TENM3: variants seen among roughly 807,000 people sequenced by gnomAD.
TENM3 encodes the protein teneurin transmembrane protein 3.
TENM3 carries 63 observed loss-of-function variants against 255.1 expected under a neutral mutation model. The observed-to-expected ratio is 0.25, with a 90% confidence interval of 0.20 to 0.30. The LOEUF is 0.30. TENM3 is among the 10% of genes least tolerant of loss of function. The probability of loss-of-function intolerance (pLI) is 1.00; values close to 1 mark genes in which losing one functional copy is unlikely to be tolerated. For synonymous variants in TENM3, 1,306 were observed against 1,322.3 expected (o/e 0.99, Z 0.27); for missense variants, 2,929 against 3,461.1 (o/e 0.85, Z 3.86).
the TENM3 span, among the ~76,000 whole-genome samples, chr4:181,493,728 G>C: frequency 6.6e-6 from 1 of 151,962 alleles, no homozygotes; most frequent in Admixed American, 6.6e-5. Context: ...TGGGCAACAG[G>C]AGCAAAACTC....
At chr4:181,872,109 G>A in the TENM3 span, among the ~76,000 whole-genome samples, 26 of 151,690 alleles carry the variant, frequency 1.7e-4, no homozygotes, top group African/African-American at 6.3e-4. Context: ...TCCTCCTTTT[G>A]TGTTTTCTTA....
the TENM3 span, among the ~76,000 whole-genome samples, chr4:181,951,571 G>C: frequency 1.3e-5 from 2 of 152,192 alleles, no homozygotes; most frequent in Non-Finnish European, 2.9e-5. Flanking sequence ...CCACACTTCA[G>C]GATCATGGCA....
At chr4:182,180,817 C>T (rs1232450527) in intron 1 of TENM3, among the ~76,000 whole-genome samples, 1 of 151,754 alleles carries the variant, frequency 6.6e-6, no homozygotes, top group Non-Finnish European at 1.5e-5. Flanking sequence ...TCAGAAGTAC[C>T]TGTAGTAGAA....
At chr4:182,477,611 A>G (rs1191659744) in intron 3 of TENM3, among the ~76,000 whole-genome samples, 1 of 151,872 alleles carries the variant, frequency 6.6e-6, no homozygotes, top group Non-Finnish European at 1.5e-5. Context: ...TTATTTCTTG[A>G]TTGCATTCTA....
intron 1 of TENM3, among the ~76,000 whole-genome samples, chr4:182,200,391 GA>G (rs1754112199): frequency 6.6e-6 from 1 of 152,048 alleles, no homozygotes; most frequent in South Asian, 2.1e-4. Flanking sequence ...CACACTTCAG[GA>G]AAATGAAAAT....
chr4:182,286,491 A>C (rs1760735302), intron 1 of TENM3, among the ~76,000 whole-genome samples: 3 of 152,164 alleles, frequency 2.0e-5, no homozygotes. Context: ...CTGCATCTCC[A>C]CAACGCTGAC....
chr4:182,138,323 A>T, the TENM3 span, among the ~76,000 whole-genome samples: 2 of 152,210 alleles, frequency 1.3e-5, no homozygotes, highest in Non-Finnish European at 2.9e-5. Context: ...ATCCAAAGTG[A>T]TGATGAATTT....
chr4:182,388,913 A>T (rs1768207470), intron 3 of TENM3, among the ~76,000 whole-genome samples: 1 of 152,194 alleles, frequency 6.6e-6, no homozygotes, highest in Admixed American at 6.5e-5. Context: ...GATGGAGGTG[A>T]TGTTCTAGGC....
chr4:181,630,305 T>C, the TENM3 span, among the ~76,000 whole-genome samples: 1 of 150,646 alleles, frequency 6.6e-6, no homozygotes, highest in African/African-American at 2.4e-5. Context: ...GATTCATTGA[T>C]TTTTTGAAGG....
chr4:182,401,451 G>A (rs1274765125), intron 3 of TENM3, among the ~76,000 whole-genome samples: 2 of 152,166 alleles, frequency 1.3e-5, no homozygotes, highest in African/African-American at 4.8e-5. Flanking sequence ...TTCTCATGAA[G>A]CCAGAAGTCT....
the TENM3 span, among the ~76,000 whole-genome samples, chr4:181,874,026 G>T: frequency 1.3e-5 from 2 of 151,756 alleles, no homozygotes; most frequent in African/African-American, 4.8e-5. Context: ...CTGGTGATTC[G>T]CCTGCCTTAG....
At chr4:181,987,231 T>C in the TENM3 span, among the ~76,000 whole-genome samples, 359 of 152,228 alleles carry the variant, frequency 2.4e-3, 2 homozygotes, top group Middle Eastern at 0.017. Context: ...GAATCTAGGC[T>C]GTCTGACTCC....
At chr4:181,583,669 T>C in the TENM3 span, among the ~76,000 whole-genome samples, 2 of 152,180 alleles carry the variant, frequency 1.3e-5, no homozygotes, top group African/African-American at 2.4e-5. Flanking sequence ...AACAAATAAA[T>C]TGAGATTTGA....
At chr4:182,455,700 T>C (rs1773822830) in intron 3 of TENM3, among the ~76,000 whole-genome samples, 1 of 151,780 alleles carries the variant, frequency 6.6e-6, no homozygotes, top group Non-Finnish European at 1.5e-5. Flanking sequence ...TAGCTGGGAT[T>C]ACAGGCGTGC....
chr4:182,049,607 G>C, the TENM3 span, among the ~76,000 whole-genome samples: 2 of 152,166 alleles, frequency 1.3e-5, no homozygotes, highest in African/African-American at 4.8e-5. Flanking sequence ...CCCTGCTCTT[G>C]ATGGATTTTT....
chr4:182,231,980 T>C (rs1756612843), intron 1 of TENM3, among the ~76,000 whole-genome samples: 3 of 152,240 alleles, frequency 2.0e-5, no homozygotes, highest in Non-Finnish European at 4.4e-5. Context: ...GCCTGTGATA[T>C]GCATTGAAAA....
At chr4:181,492,627 T>G in the TENM3 span, among the ~76,000 whole-genome samples, 1 of 152,196 alleles carries the variant, frequency 6.6e-6, no homozygotes, top group Non-Finnish European at 1.5e-5. Context: ...TTTTCGGTTT[T>G]ATTTACACAA....
intron 3 of TENM3, among the ~76,000 whole-genome samples, chr4:182,432,504 T>G (rs1771736025): frequency 6.6e-6 from 1 of 152,224 alleles, no homozygotes; most frequent in South Asian, 2.1e-4. Flanking sequence ...ATATGTACAA[T>G]GTAATAACTG....
chr4:181,552,924 GCACA>G, the TENM3 span, among the ~76,000 whole-genome samples: 1 of 152,140 alleles, frequency 6.6e-6, no homozygotes, highest in Non-Finnish European at 1.5e-5. Flanking sequence ...ACGTGCGTGT[GCACA>G]CAGACACGCA....
Sources: allele counts gnomAD v4.1 joint callset (sites outside exome capture counted in the v4.1 genomes callset), GRCh38; gene constraint gnomAD v4.1.1; transcripts MANE v1.5; gene names NCBI Gene and HGNC (gene_info 2026-07-23, HGNC 2026-07-21).